Variants in ANKS1B observed in about 807,000 individuals in gnomAD.
ANKS1B encodes the protein ankyrin repeat and sterile alpha motif domain-containing protein 1B.
In ANKS1B, 36 loss-of-function variants were observed where a neutral mutation model predicts 148.3. The observed-to-expected ratio is 0.24, with a 90% CI of 0.19 to 0.32. The LOEUF (loss-of-function observed/expected upper bound fraction) is 0.32. ANKS1B is among the 10% of genes least tolerant of loss of function. The pLI is 1.00. For synonymous variants in ANKS1B, 542 were observed against 560.8 expected, an observed-to-expected ratio of 0.97 and a Z score of 0.47; for missense variants, 1,157 against 1,542.6, an observed-to-expected ratio of 0.75 and a Z score of 4.19.
At chr12:99,497,290 A>C (rs2096613356) in intron 10 of ANKS1B, among the ~76,000 whole-genome samples, 1 of 152,228 alleles carries the variant, frequency 6.6e-6, no homozygotes, top group Non-Finnish European at 1.5e-5. Flanking sequence ...GTACATGTTC[A>C]GCACAGACCC....
At chr12:99,811,316 T>C (rs932213996) in intron 3 of ANKS1B, among the ~76,000 whole-genome samples, 14 of 151,928 alleles carry the variant, frequency 9.2e-5, no homozygotes, top group African/African-American at 2.4e-4. Context: ...CCTACTTGCA[T>C]TGATATTGGA....
intron 14 of ANKS1B, among the ~76,000 whole-genome samples, chr12:99,177,421 T>C (rs1413898581): frequency 6.6e-6 from 1 of 152,204 alleles, no homozygotes; most frequent in African/African-American, 2.4e-5. Context: ...GCAGTTGTTA[T>C]TCAGTACAGC....
intron 9 of ANKS1B, among the ~76,000 whole-genome samples, chr12:99,539,044 T>C (rs1467497376): frequency 1.3e-5 from 2 of 152,194 alleles, no homozygotes; most frequent in Non-Finnish European, 2.9e-5. Flanking sequence ...ATCACATTGA[T>C]TTGTGTACGT....
At chr12:99,096,441 A>C (rs1384871130) in intron 15 of ANKS1B, among the ~76,000 whole-genome samples, 1 of 152,160 alleles carries the variant, frequency 6.6e-6, no homozygotes, top group Non-Finnish European at 1.5e-5. Flanking sequence ...GGTGATGGGA[A>C]AACTTGCTCA....
chr12:99,760,680 A>T (rs2062006920), intron 8 of ANKS1B, among the ~76,000 whole-genome samples: 1 of 151,786 alleles, frequency 6.6e-6, no homozygotes, highest in Non-Finnish European at 1.5e-5. Context: ...AGAAATAAAT[A>T]AAATAAAATA....
intron 17 of ANKS1B, among the ~76,000 whole-genome samples, chr12:98,877,094 G>C (rs1281703113): frequency 6.6e-6 from 1 of 152,174 alleles, no homozygotes; most frequent in Non-Finnish European, 1.5e-5. Flanking sequence ...GTTGGGGTCT[G>C]AGTGACTCAT....
intron 10 of ANKS1B, among the ~76,000 whole-genome samples, chr12:99,464,030 G>A (rs2096047358): frequency 6.6e-6 from 1 of 152,164 alleles, no homozygotes; most frequent in Non-Finnish European, 1.5e-5. Flanking sequence ...AGCCTAATTG[G>A]GAGGCACCCC....
chr12:99,625,888 G>T (rs2098108086), intron 9 of ANKS1B, among the ~76,000 whole-genome samples: 1 of 152,064 alleles, frequency 6.6e-6, no homozygotes, highest in African/African-American at 2.4e-5. Flanking sequence ...TTCTAGTGGT[G>T]GCTGAGGTAT....
chr12:99,950,880 C>T (rs982272063), intron 1 of ANKS1B, among the ~76,000 whole-genome samples: 2 of 152,106 alleles, frequency 1.3e-5, no homozygotes, highest in Non-Finnish European at 2.9e-5. Flanking sequence ...TTGATTTTCT[C>T]CCTTGTTTTA....
rs114907394 is a variant in ANKS1B, at chr12:99,519,398, C to T, written c.1273-14757G>A. Among the ~76,000 whole-genome samples, 1,203 of 152,012 alleles carry T rather than the reference C, an allele frequency of 7.9e-3. 12 individuals are homozygous for T. Among genetic ancestry groups the T allele is most frequent in the African/African-American group, 0.027 (1,120 of 41,492 alleles). On this transcript the variant is annotated intron_variant, in intron 9 of 26. Coordinates refer to ENST00000683438, the MANE Select transcript of ANKS1B (RefSeq NM_001352186.2). ...ATGTTTCCATTATATATGTGGGTGC[C>T]CCATGGTTGGGTGCACACATATTTA... is the stretch of plus-strand genomic sequence containing the variant.
intron 15 of ANKS1B, among the ~76,000 whole-genome samples, chr12:99,138,769 C>A (rs995774288): frequency 1.3e-5 from 2 of 152,100 alleles, no homozygotes; most frequent in African/African-American, 4.8e-5. Context: ...TTCATTGTTC[C>A]ATTCACTGTT....
In ANKS1B at chr12:99,435,974, T is replaced by C. The variant is rs112756542; in HGVS notation, c.1575+7699A>G. ...GGTCCTGTTGCCTTCTTTCTCATTT[T>C]TTTTCCTTTCCAAATCGCTCTTTGT... On this transcript the variant is annotated intron_variant, in intron 11 of 26. Coordinates refer to ENST00000683438, the MANE Select transcript of ANKS1B (RefSeq NM_001352186.2). Among the ~76,000 whole-genome samples the C allele has an allele frequency of 4.0e-3, 604 of 152,182 alleles. 3 individuals carry two copies. The highest frequency in any genetic ancestry group is 7.1e-3 in the Non-Finnish European group (482 of 67,952).
chr12:99,284,039 G>T (rs1307267107), intron 12 of ANKS1B, among the ~76,000 whole-genome samples: 1 of 152,086 alleles, frequency 6.6e-6, no homozygotes, highest in Non-Finnish European at 1.5e-5. Context: ...TTACCCTGAG[G>T]ATTATCTTTT....
intron 14 of ANKS1B, among the ~76,000 whole-genome samples, chr12:99,160,397 G>A (rs2076528517): frequency 6.6e-6 from 1 of 151,222 alleles, no homozygotes; most frequent in Non-Finnish European, 1.5e-5. Context: ...GGAGTGCAGT[G>A]GTGCTATCTC....
At chr12:99,147,478 T>C (rs552174467) in intron 15 of ANKS1B, among the ~76,000 whole-genome samples, 2 of 152,274 alleles carry the variant, frequency 1.3e-5, no homozygotes, top group African/African-American at 4.8e-5. Context: ...AAATGCCCTA[T>C]AATCTCTCCC....
intron 9 of ANKS1B, among the ~76,000 whole-genome samples, chr12:99,645,926 T>C (rs974093601): frequency 2.6e-5 from 4 of 152,044 alleles, no homozygotes; most frequent in African/African-American, 9.7e-5. Flanking sequence ...ATAAGTAATG[T>C]AGTTTCTGGC....
chr12:99,178,694 T>C (rs1049619007), intron 14 of ANKS1B, among the ~76,000 whole-genome samples: 1 of 152,264 alleles, frequency 6.6e-6, no homozygotes, highest in African/African-American at 2.4e-5. Context: ...ATATCAAATA[T>C]GGTTTCATTG....
intron 2 of ANKS1B, among the ~76,000 whole-genome samples, chr12:99,815,597 T>G (rs753469937): frequency 3.2e-4 from 49 of 151,622 alleles, no homozygotes; most frequent in Non-Finnish European, 6.1e-4. Context: ...ATCATCCAAG[T>G]AGTGCACAAT....
intron 25 of ANKS1B, among the ~76,000 whole-genome samples, chr12:98,771,727 C>T (rs770186422): frequency 2.0e-5 from 3 of 152,160 alleles, no homozygotes; most frequent in African/African-American, 4.8e-5. Context: ...GATCTGCCCA[C>T]CTCGGCCTCC....
Sources: gnomAD v4.1 joint callset for allele counts (sites outside exome capture counted in the v4.1 genomes callset) on GRCh38, gnomAD v4.1.1 for gene constraint, MANE v1.5 for transcripts, NCBI Gene and HGNC (gene_info 2026-07-23, HGNC 2026-07-21) for gene names.